The following NSDHL variants were observed in gnomAD, a reference collection of about 807,000 sequenced individuals.
The protein encoded by NSDHL is NAD(P) dependent 3-beta-hydroxysteroid dehydrogenase NSDHL, also known as sterol-4-alpha-carboxylate 3-dehydrogenase, decarboxylating.
Under a neutral mutation model 23.0 loss-of-function variants are expected in NSDHL, and 1 was observed. The observed-to-expected ratio is 0.04, with a 90% CI of 0.02 to 0.21. The LOEUF is 0.21. Among genes scored for constraint, NSDHL ranks in the 10% least tolerant of loss-of-function variants. NSDHL has a pLI of 1.00. For missense variants in NSDHL, 237 were observed against 300.9 expected (o/e 0.79, Z 1.57); for synonymous variants, 128 against 121.1 (o/e 1.06, Z -0.37).
At chrX:152,860,838 C>G (rs782728404) in intron 4 of NSDHL, among the ~76,000 whole-genome samples, 1 of 112,490 alleles carries the variant, frequency 8.9e-6, no homozygotes, top group Non-Finnish European at 1.9e-5. Flanking sequence ...TGCCATTGCT[C>G]TCTTCTTGTA....
rs375100066 is a variant in NSDHL at position 152,846,389 on chromosome X, C to T, written c.65C>T (p.Thr22Ile). 1.2e-4 allele frequency: 149 copies of T among 1,208,114 alleles called. 1 individual carries two copies. The African/African-American group carries it at 1.9e-3, about 16-fold the overall frequency. Residue 22 changes from threonine to isoleucine, a missense_variant, in exon 2 of 8, where the codon ACT (threonine) becomes ATT (isoleucine). Coordinates refer to ENST00000370274, the MANE Select transcript of NSDHL (RefSeq NM_015922.3). ...QVARTHLTED[T>I]PKVNADIEKV... is the part of the protein sequence containing the mutation. ...GCACGGACTCATTTGACAGAGGACA[C>T]TCCCAAAGTGAATGCTGACATAGAA...
At chrX:152,847,934 G>A (rs1933299614) in intron 2 of NSDHL, among the ~76,000 whole-genome samples, 1 of 108,664 alleles carries the variant, frequency 9.2e-6, no homozygotes, top group Non-Finnish European at 1.9e-5. Flanking sequence ...GTGATTTCAG[G>A]TCACTGCAAC....
At chrX:152,849,852 CGTTTT>C (rs1482953225) in intron 2 of NSDHL, among the ~76,000 whole-genome samples, 2 of 112,555 alleles carry the variant, frequency 1.8e-5, no homozygotes, top group Non-Finnish European at 1.9e-5. Flanking sequence ...AAATGGCTGC[CGTTTT>C]GTTTTGTTTT....
chrX:152,865,356 G>A (rs1407086586), intron 5 of NSDHL, among the ~76,000 whole-genome samples: 2 of 112,394 alleles, frequency 1.8e-5, no homozygotes, highest in Non-Finnish European at 3.8e-5. Flanking sequence ...CCCCTCGGAG[G>A]TGATACTCAG....
rs992492119 is a variant in NSDHL, at chrX:152,836,625, T to G, written c.-44+5508T>G. Among the ~76,000 whole-genome samples, 4 of 112,017 alleles carry G rather than the reference T, an allele frequency of 3.6e-5. No individual in the cohort carries two copies. In the East Asian group the frequency reaches 1.1e-3, roughly 31 times the overall value. On this transcript the variant is annotated intron_variant, in intron 1 of 7. Transcript: ENST00000370274. ...ATCAGATGGTTGTAGATGTGTGGTGTTATTTCTGAGCGCTCTGTTTTGTTC... is the reference window on the plus strand; with the variant it reads ...ATCAGATGGTTGTAGATGTGTGGTGGTATTTCTGAGCGCTCTGTTTTGTTC...
chrX:152,865,693 C>A, intron 5 of NSDHL, 126 bp from the exon 6 acceptor site: 1 of 875,271 alleles, frequency 1.1e-6, no homozygotes, highest in Non-Finnish European at 1.7e-6. Flanking sequence ...GCTCAGTGGC[C>A]ACATGCCAGC....
intron 3 of NSDHL, among the ~76,000 whole-genome samples, chrX:152,855,560 A>G (rs1556846877): frequency 8.9e-6 from 1 of 112,357 alleles, no homozygotes; most frequent in African/African-American, 3.2e-5. Context: ...AAAATTCTTC[A>G]AAGATTAACT....
intron 3 of NSDHL, among the ~76,000 whole-genome samples, chrX:152,850,884 C>T (rs1381890612): frequency 1.8e-5 from 2 of 112,355 alleles, no homozygotes; most frequent in Non-Finnish European, 3.8e-5. Flanking sequence ...GATCTAACTC[C>T]AGAATATTTG....
At chrX:152,852,359 G>A (rs1306788752) in intron 3 of NSDHL, among the ~76,000 whole-genome samples, 1 of 111,644 alleles carries the variant, frequency 9.0e-6, no homozygotes, top group Non-Finnish European at 1.9e-5. Flanking sequence ...AATTGATGCT[G>A]TGGTCCCACG....
At chrX:152,833,095 A>G (rs782575988) in intron 1 of NSDHL, among the ~76,000 whole-genome samples, 1 of 110,743 alleles carries the variant, frequency 9.0e-6, no homozygotes, top group South Asian at 3.8e-4. Context: ...TTATGATTTC[A>G]TAGTAACATT....
chrX:152,848,706 G>T (rs1226336712), intron 2 of NSDHL, among the ~76,000 whole-genome samples: 1 of 111,794 alleles, frequency 8.9e-6, no homozygotes, highest in East Asian at 2.8e-4. Context: ...ACTGTCTTTG[G>T]GCTTAGCCAG....
At chrX:152,846,183 A>G in intron 1 of NSDHL, 99 bp from the exon 2 acceptor site, 1 of 532,979 alleles carries the variant, frequency 1.9e-6, no homozygotes, top group Non-Finnish European at 3.4e-6. Flanking sequence ...GCTATTTGTA[A>G]AAACATGAAC....
chrX:152,842,320 A>C (rs1933204636), intron 1 of NSDHL, among the ~76,000 whole-genome samples: 1 of 111,239 alleles, frequency 9.0e-6, no homozygotes, highest in African/African-American at 3.3e-5. Flanking sequence ...ACCATTTTAC[A>C]TGCCCATGAA....
intron 3 of NSDHL, among the ~76,000 whole-genome samples, chrX:152,855,967 G>A (rs1339265108): frequency 2.7e-5 from 3 of 112,450 alleles, no homozygotes; most frequent in African/African-American, 9.7e-5. Context: ...TCAAGACTAT[G>A]GATTTGGTTG....
At chrX:152,831,813 A>G (rs1186545957) in intron 1 of NSDHL, 5 of 111,204 alleles carry the variant, frequency 4.5e-5, no homozygotes, top group African/African-American at 1.6e-4. Flanking sequence ...CGTGGCTTTT[A>G]GCCTTCACCT....
chrX:152,838,452 C>G (rs1212418321), intron 1 of NSDHL, among the ~76,000 whole-genome samples: 1 of 111,709 alleles, frequency 9.0e-6, no homozygotes, highest in Non-Finnish European at 1.9e-5. Flanking sequence ...ATAAATTTCC[C>G]TCTACGCACT....
intron 3 of NSDHL, among the ~76,000 whole-genome samples, chrX:152,857,037 A>G (rs1200341985): frequency 1.8e-5 from 2 of 112,572 alleles, no homozygotes; most frequent in Admixed American, 9.3e-5. Context: ...AGAGCGAGAC[A>G]ATGTCTCAAA....
chrX:152,844,588 A>G (rs1440764594), intron 1 of NSDHL, among the ~76,000 whole-genome samples: 2 of 112,487 alleles, frequency 1.8e-5, no homozygotes, highest in African/African-American at 6.5e-5. Flanking sequence ...ATTTGCTCAC[A>G]TTTCCCTGAA....
chrX:152,854,181 C>G (rs1056787846), intron 3 of NSDHL, among the ~76,000 whole-genome samples: 1 of 111,517 alleles, frequency 9.0e-6, no homozygotes, highest in Non-Finnish European at 1.9e-5. Context: ...GGGAACCCTC[C>G]AGCATGCCAT....
Sources: allele counts gnomAD v4.1 joint callset (sites outside exome capture counted in the v4.1 genomes callset), GRCh38; gene constraint gnomAD v4.1.1; transcripts MANE v1.5; gene names NCBI Gene and HGNC (gene_info 2026-07-23, HGNC 2026-07-21).